SNTG1: variants seen among roughly 807,000 people sequenced by gnomAD.
SNTG1 encodes gamma-1-syntrophin.
A neutral mutation model predicts 74.7 loss-of-function variants in SNTG1; 39 were observed. The ratio of observed to expected loss-of-function variants is 0.52; its 90% CI spans 0.40 to 0.68. SNTG1 has a LOEUF of 0.68. Among genes scored for constraint, SNTG1 ranks in the 30% least tolerant of loss-of-function variants. The probability of loss-of-function intolerance (pLI) is 0.00; values close to 1 mark genes in which losing one functional copy is unlikely to be tolerated. For missense variants in SNTG1, 685 were observed against 609.5 expected, an observed-to-expected ratio of 1.12 and a Z score of -1.30; for synonymous variants, 254 against 217.1, an observed-to-expected ratio of 1.17 and a Z score of -1.49.
At chr8:49,972,434 A>G (rs1329781510) in intron 1 of SNTG1, among the ~76,000 whole-genome samples, 7 of 152,206 alleles carry the variant, frequency 4.6e-5, no homozygotes, top group African/African-American at 1.7e-4. Context: ...CCTAGGCAAT[A>G]CCATTCAGGA....
At chr8:50,407,732 A>G (rs922385114) in intron 4 of SNTG1, among the ~76,000 whole-genome samples, 1 of 152,226 alleles carries the variant, frequency 6.6e-6, no homozygotes, top group Non-Finnish European at 1.5e-5. Flanking sequence ...CTTGCAAGGC[A>G]GTGAAGCAAA....
chr8:50,609,664 T>C (rs930244615), intron 13 of SNTG1, among the ~76,000 whole-genome samples: 2 of 152,156 alleles, frequency 1.3e-5, no homozygotes, highest in Non-Finnish European at 2.9e-5. Context: ...TCAATACACA[T>C]GTTGATATGC....
intron 9 of SNTG1, among the ~76,000 whole-genome samples, chr8:50,503,304 A>G (rs868652099): frequency 2.6e-5 from 4 of 152,334 alleles, no homozygotes; most frequent in Middle Eastern, 3.4e-3. Context: ...ACTAATTTAC[A>G]TAGAACTACT....
At chr8:50,012,030 C>T (rs1160654084) in intron 1 of SNTG1, among the ~76,000 whole-genome samples, 2 of 152,144 alleles carry the variant, frequency 1.3e-5, no homozygotes. Flanking sequence ...AGAGTGAATT[C>T]AGCTTTTTGC....
rs181698239 is a variant in SNTG1, at chr8:50,436,856, G to A, written c.163-1687G>A. ...ATGCACATGTTTAACCTTCCTTTTT[G>A]CTTTTGTATATGCAGCCCTGTTTAT... is the stretch of plus-strand genomic sequence containing the variant. On this transcript the variant is annotated intron_variant, in intron 4 of 18. Transcript: ENST00000642720. Among the ~76,000 whole-genome samples, 322 of 151,840 alleles carry A rather than the reference G, an allele frequency of 2.1e-3. 2 individuals carry two copies. The highest frequency in any genetic ancestry group is 7.3e-3 in the African/African-American group (301 of 41,464).
intron 1 of SNTG1, among the ~76,000 whole-genome samples, chr8:50,029,664 C>T (rs1419991089): frequency 6.6e-6 from 1 of 152,096 alleles, no homozygotes; most frequent in African/African-American, 2.4e-5. Flanking sequence ...CTACATGTTG[C>T]AAATGACATG....
chr8:50,175,558 T>C lies in SNTG1; in HGVS notation c.-28+2923T>C, dbSNP rs567672293. 1.1e-4 allele frequency among the ~76,000 whole-genome samples: 16 copies of C among 152,306 alleles called. No individual in the cohort carries two copies. In the East Asian group the frequency reaches 2.7e-3, roughly 26 times the overall value. ...TTGCTGTGTAAGAGGGGGTCATTTA[T>C]TCCCTTCTTAGAATTTCCCAGTGTC... On this transcript the variant is annotated intron_variant, in intron 2 of 18. Transcript: ENST00000642720.
At chr8:50,421,597 C>T (rs915150787) in intron 4 of SNTG1, among the ~76,000 whole-genome samples, 8 of 152,114 alleles carry the variant, frequency 5.3e-5, no homozygotes, top group African/African-American at 1.7e-4. Flanking sequence ...CCTTAACCTC[C>T]TAGTAGTGCA....
At chr8:49,933,359 G>T (rs1563364232) in intron 1 of SNTG1, among the ~76,000 whole-genome samples, 2 of 152,118 alleles carry the variant, frequency 1.3e-5, no homozygotes, top group African/African-American at 4.8e-5. Flanking sequence ...GCGACTTTTT[G>T]ATGCTTATGA....
rs549497443 is a variant in SNTG1, at chr8:50,752,941, T to G, written c.1395+830T>G. Among the ~76,000 whole-genome samples the G allele has an allele frequency of 1.4e-4, 22 of 152,148 alleles. 1 individual carries two copies. The South Asian group carries it at 4.6e-3, about 32-fold the overall frequency. ...GAGTATCTCTCGAGATGTCCCATTC[T>G]TGTCTCTTACTTGTCTTTGGACTCA... On this transcript the variant is annotated intron_variant, in intron 18 of 18. Coordinates refer to ENST00000642720, the MANE Select transcript of SNTG1 (RefSeq NM_018967.5).
chr8:50,608,325 AT>A (rs922511473), intron 13 of SNTG1, among the ~76,000 whole-genome samples: 9 of 151,146 alleles, frequency 6.0e-5, no homozygotes, highest in South Asian at 2.1e-4. Context: ...TCATTTAAAA[AT>A]TTTTTTTCTT....
At chr8:50,511,252 C>G (rs1267518017) in intron 9 of SNTG1, among the ~76,000 whole-genome samples, 1 of 152,154 alleles carries the variant, frequency 6.6e-6, no homozygotes, top group African/African-American at 2.4e-5. Context: ...ATCCTGAGTT[C>G]TAGTTTGATT....
intron 9 of SNTG1, among the ~76,000 whole-genome samples, chr8:50,519,972 T>TGAA (rs920884479): frequency 5.3e-5 from 8 of 152,066 alleles, no homozygotes; most frequent in Non-Finnish European, 8.8e-5. Context: ...AAAAAGAGCC[T>TGAA]GAATAGCCAA....
intron 1 of SNTG1, among the ~76,000 whole-genome samples, chr8:50,156,827 C>T (rs377618414): frequency 1.1e-4 from 17 of 152,198 alleles, no homozygotes; most frequent in South Asian, 2.1e-4. Flanking sequence ...TGGGCTACCA[C>T]GTCACACCCA....
At chr8:49,964,962 A>T (rs1811013298) in intron 1 of SNTG1, among the ~76,000 whole-genome samples, 1 of 152,230 alleles carries the variant, frequency 6.6e-6, no homozygotes, top group Non-Finnish European at 1.5e-5. Flanking sequence ...ATTAGAGTTT[A>T]TTTATACAGT....
chr8:50,476,857 G>GACACACACAC (rs59121229), intron 8 of SNTG1, among the ~76,000 whole-genome samples: 34,000 of 145,648 alleles, frequency 0.23, 3,999 homozygotes, highest in African/African-American at 0.27. Flanking sequence ...GACACACACA[G>GACACACACAC]ACACACACAC....
chr8:50,768,033 G>A (rs566284676), intron 18 of SNTG1, among the ~76,000 whole-genome samples: 5 of 152,064 alleles, frequency 3.3e-5, no homozygotes, highest in African/African-American at 1.2e-4. Flanking sequence ...CATAAGAGAA[G>A]GGAAAGAAAT....
chr8:50,045,143 C>T (rs937311621), intron 1 of SNTG1, among the ~76,000 whole-genome samples: 1 of 152,108 alleles, frequency 6.6e-6, no homozygotes, highest in African/African-American at 2.4e-5. Flanking sequence ...GGTTGACATC[C>T]GAGCCCAGTC....
chr8:50,205,879 G>C (rs774619730), intron 2 of SNTG1, among the ~76,000 whole-genome samples: 11 of 152,110 alleles, frequency 7.2e-5, no homozygotes, highest in Non-Finnish European at 1.5e-4. Context: ...GAGAGTTGTA[G>C]ATGTGTGGTA....
Sources: allele counts gnomAD v4.1 joint callset (sites outside exome capture counted in the v4.1 genomes callset), GRCh38; gene constraint gnomAD v4.1.1; transcripts MANE v1.5; gene names NCBI Gene and HGNC (gene_info 2026-07-23, HGNC 2026-07-21).